CDKAL1: variants seen among roughly 807,000 people sequenced by gnomAD.
The protein encoded by CDKAL1 is CDKAL1 threonylcarbamoyladenosine tRNA methylthiotransferase, also known as threonylcarbamoyladenosine tRNA methylthiotransferase.
In CDKAL1, 32 loss-of-function variants were observed where a neutral mutation model predicts 68.2. The observed-to-expected ratio is 0.47, with a 90% CI of 0.35 to 0.63. The LOEUF is 0.63. CDKAL1 is among the 30% of genes least tolerant of loss of function. The probability of loss-of-function intolerance (pLI) is 0.00; values close to 1 mark genes in which losing one functional copy is unlikely to be tolerated. For missense variants in CDKAL1, 606 were observed against 696.7 expected (o/e 0.87, Z 1.47); for synonymous variants, 234 against 244.3 (o/e 0.96, Z 0.39).
intron 4 of CDKAL1, among the ~76,000 whole-genome samples, chr6:20,641,498 T>TC (rs1431613222): frequency 2.6e-5 from 4 of 152,364 alleles, no homozygotes; most frequent in African/African-American, 9.6e-5. Flanking sequence ...TATCTTGCCT[T>TC]CAAGGGCAAA....
At chr6:21,081,078 T>TAGAAAATCATTTTAAAAAAATGCCTGTC (rs1772370624) in intron 12 of CDKAL1, among the ~76,000 whole-genome samples, 1 of 152,206 alleles carries the variant, frequency 6.6e-6, no homozygotes, top group African/African-American at 2.4e-5. Context: ...TTTGTAGTGA[T>TAGAAAATCATTTTAAAAAAATGCCTGTC]AGAAAATCAT....
chr6:20,730,345 C>G (rs1213444044), intron 5 of CDKAL1, among the ~76,000 whole-genome samples: 3 of 127,560 alleles, frequency 2.4e-5, no homozygotes, highest in South Asian at 2.5e-4. Flanking sequence ...AAGCCAGACC[C>G]GAAAAGAAAG....
At chr6:21,210,456 ACT>A in intron 15 of CDKAL1, among the ~76,000 whole-genome samples, 1 of 152,128 alleles carries the variant, frequency 6.6e-6, no homozygotes, top group South Asian at 2.1e-4. Flanking sequence ...CAGCAAGAAG[ACT>A]CTGTCTATAA....
chr6:20,726,077 T>C (rs1203075304), intron 5 of CDKAL1, among the ~76,000 whole-genome samples: 1 of 151,446 alleles, frequency 6.6e-6, no homozygotes, highest in African/African-American at 2.4e-5. Context: ...TAGGGGGGAG[T>C]ATTTGCATCT....
At chr6:20,976,589 C>T (rs549932906) in intron 10 of CDKAL1, among the ~76,000 whole-genome samples, 1 of 152,170 alleles carries the variant, frequency 6.6e-6, no homozygotes, top group Non-Finnish European at 1.5e-5. Context: ...CAAATGTGCA[C>T]TTGGATGTGA....
chr6:20,731,027 C>T (rs935313449), intron 5 of CDKAL1, among the ~76,000 whole-genome samples: 1 of 152,030 alleles, frequency 6.6e-6, no homozygotes, highest in East Asian at 1.9e-4. Context: ...CAGCAAGTGC[C>T]ATGGCTTAAT....
chr6:20,950,858 T>C (rs1764488950), intron 9 of CDKAL1, among the ~76,000 whole-genome samples: 1 of 151,580 alleles, frequency 6.6e-6, no homozygotes, highest in Admixed American at 6.6e-5. Context: ...TAATCCCAGC[T>C]ACTCAGGAGG....
At chr6:20,573,813 C>T (rs1181828223) in intron 4 of CDKAL1, among the ~76,000 whole-genome samples, 1 of 152,040 alleles carries the variant, frequency 6.6e-6, no homozygotes, top group Non-Finnish European at 1.5e-5. Context: ...ATAAGGATGC[C>T]GTACAGAGAT....
At chr6:20,873,516 GAC>G in intron 9 of CDKAL1, among the ~76,000 whole-genome samples, 1 of 152,244 alleles carries the variant, frequency 6.6e-6, no homozygotes, top group East Asian at 1.9e-4. Context: ...TTACAAATGA[GAC>G]ACAGAATCAC....
intron 12 of CDKAL1, among the ~76,000 whole-genome samples, chr6:21,071,227 C>G (rs1174356938): frequency 6.6e-6 from 1 of 152,176 alleles, no homozygotes; most frequent in Non-Finnish European, 1.5e-5. Context: ...GGGGAGAGAC[C>G]TGGTGGGAGG....
At position 20,707,796 on chromosome 6, in the gene CDKAL1, A is replaced by C. The variant is rs115156767; in HGVS notation, c.372-31723A>C. 9.0e-3 allele frequency among the ~76,000 whole-genome samples: 1,365 copies of C among 152,326 alleles called. 26 individuals carry two copies. The highest frequency in any genetic ancestry group is 0.031 in the African/African-American group (1,284 of 41,572). On this transcript the variant is annotated intron_variant, in intron 5 of 15. Coordinates refer to ENST00000274695, the MANE Select transcript of CDKAL1 (RefSeq NM_017774.3). ...AAGTAGGTACTCAATAAATATTTGT[A>C]AATTGAATAAATGTTTATGCTTAAA...
intron 9 of CDKAL1, among the ~76,000 whole-genome samples, chr6:20,849,810 T>C (rs1758913014): frequency 6.6e-6 from 1 of 152,162 alleles, no homozygotes; most frequent in South Asian, 2.1e-4. Flanking sequence ...TTTTCTAAAT[T>C]TGAGAAGTGC....
At chr6:20,840,303 T>C (rs1231347630) in intron 8 of CDKAL1, among the ~76,000 whole-genome samples, 1 of 152,178 alleles carries the variant, frequency 6.6e-6, no homozygotes, top group Non-Finnish European at 1.5e-5. Context: ...TTTTAAAGAT[T>C]GTGATGATTT....
At chr6:21,156,860 A>G (rs1270211170) in intron 13 of CDKAL1, among the ~76,000 whole-genome samples, 1 of 152,190 alleles carries the variant, frequency 6.6e-6, no homozygotes, top group African/African-American at 2.4e-5. Context: ...TAAGAGTATC[A>G]AACTGTATAA....
chr6:21,201,076 T>A (rs9767186), intron 14 of CDKAL1, 34 bp from the exon 15 acceptor site: 1 of 1,567,824 alleles, frequency 6.4e-7, no homozygotes, highest in Non-Finnish European at 8.7e-7. Context: ...TGTTTATTTT[T>A]AAAAATTAAG....
intron 8 of CDKAL1, among the ~76,000 whole-genome samples, chr6:20,834,412 G>T (rs1037690569): frequency 2.0e-5 from 3 of 152,098 alleles, no homozygotes; most frequent in Non-Finnish European, 2.9e-5. Flanking sequence ...ATGTCCTCTG[G>T]GTTCCAATCT....
rs1031239604 is a variant in CDKAL1, at chr6:21,000,489, C to T, written c.1055+117C>T. The T allele has an allele frequency of 8.9e-5, 80 of 894,148 alleles. 1 individual carries two copies. The highest frequency in any genetic ancestry group is 3.1e-4 in the Middle Eastern group (1 of 3,270). 55.4% of individuals were successfully genotyped at this position (894,148 alleles called of 1,614,324 possible). ...GGTACAAGAGAGAAGGCGAGACTTT[C>T]GAAGCTTTCAAAGCCTTTAAGTCTC... On this transcript the variant is annotated intron_variant, in intron 11 of 15. Coordinates refer to ENST00000274695, the MANE Select transcript of CDKAL1 (RefSeq NM_017774.3).
chr6:21,227,558 G>T (rs968071341), intron 15 of CDKAL1, among the ~76,000 whole-genome samples: 1 of 152,348 alleles, frequency 6.6e-6, no homozygotes, highest in East Asian at 1.9e-4. Flanking sequence ...CTCCTGCTCC[G>T]CGGTCACGCT....
At chr6:20,734,817 CT>C (rs1240094021) in intron 5 of CDKAL1, among the ~76,000 whole-genome samples, 8 of 151,808 alleles carry the variant, frequency 5.3e-5, no homozygotes, top group African/African-American at 1.9e-4. Context: ...ATACACCTGC[CT>C]AGGCCTCCCA....
Sources: allele counts gnomAD v4.1 joint callset (sites outside exome capture counted in the v4.1 genomes callset), GRCh38; gene constraint gnomAD v4.1.1; transcripts MANE v1.5; gene names NCBI Gene and HGNC (gene_info 2026-07-23, HGNC 2026-07-21).